The following TPPP variants were observed in gnomAD, a reference collection of about 807,000 sequenced individuals.
TPPP encodes the protein tubulin polymerization-promoting protein.
A neutral mutation model predicts 15.5 loss-of-function variants in TPPP; 6 were observed. The observed-to-expected ratio is 0.39, with a 90% confidence interval of 0.21 to 0.77. The LOEUF (loss-of-function observed/expected upper bound fraction) is 0.77, where lower values mean the gene tolerates loss of function less well. Among genes scored for constraint, TPPP ranks in the 30% least tolerant of loss-of-function variants. The probability of loss-of-function intolerance (pLI) is 0.42; values close to 1 mark genes in which losing one functional copy is unlikely to be tolerated. For missense variants in TPPP, 269 were observed against 307.2 expected, an observed-to-expected ratio of 0.88 and a Z score of 0.93; for synonymous variants, 146 against 133.9, an observed-to-expected ratio of 1.09 and a Z score of -0.63.
At chr5:676,497 G>T (rs1740436948) in intron 2 of TPPP, 1 of 152,308 alleles carries the variant, frequency 6.6e-6, no homozygotes, top group Non-Finnish European at 1.5e-5. Context: ...GGAAGGTGCA[G>T]GAGCTCTGAG....
chr5:681,272 A>T (rs1740613519), intron 1 of TPPP, among the ~76,000 whole-genome samples: 1 of 152,182 alleles, frequency 6.6e-6, no homozygotes, highest in Non-Finnish European at 1.5e-5. Context: ...AGGGAAAAGA[A>T]GGTTGTGTAG....
chr5:664,949 G>A lies in TPPP; in HGVS notation c.*153C>T, dbSNP rs1198074152. The A allele has an allele frequency of 2.4e-6, 2 of 817,100 alleles. No individual in the cohort carries two copies. Among genetic ancestry groups the A allele is most frequent in the African/African-American group, 1.7e-5 (1 of 58,110 alleles). The allele number at this position is 817,100 out of a possible 1,614,324, so 50.6% of individuals were successfully genotyped here. On this transcript the variant is annotated 3_prime_UTR_variant, in exon 4 of 4. Transcript: ENST00000360578. ...CTGGGGGCATCCGGTAGGAGGAGGG[G>A]CAGGAGGGAGGCCTGGGCCTGGCCG...
intron 1 of TPPP, among the ~76,000 whole-genome samples, chr5:685,067 C>T (rs1446310384): frequency 6.6e-6 from 1 of 152,156 alleles, no homozygotes; most frequent in Non-Finnish European, 1.5e-5. Context: ...GGTCACCATC[C>T]TGAGAGGTGC....
At chr5:693,442 CGG>C (rs1470777615), upstream of TPPP, 2 of 147,784 alleles carry the variant, frequency 1.4e-5, no homozygotes, top group Admixed American at 1.4e-4. Flanking sequence ...CCCCAGCGTC[CGG>C]CGCCCGCCCA....
At chr5:683,952 G>T (rs1359748626) in intron 1 of TPPP, among the ~76,000 whole-genome samples, 1 of 152,212 alleles carries the variant, frequency 6.6e-6, no homozygotes, top group South Asian at 2.1e-4. Context: ...TGTCCAGGGG[G>T]AGCACCCTCC....
At position 662,460 on chromosome 5, in the gene TPPP, C is replaced by T. The variant is rs376273637; in HGVS notation, c.*2642G>A. The T allele has an allele frequency of 5.9e-5, 9 of 152,518 alleles. No individual in the cohort carries two copies. The highest frequency in any genetic ancestry group is 2.2e-4 in the African/African-American group (9 of 41,590). 9.4% of individuals were successfully genotyped at this position (152,518 alleles called of 1,614,324 possible). A position where few individuals can be genotyped will look rare whatever the true frequency, so the allele number is the denominator to read the frequency against. On this transcript the variant is annotated 3_prime_UTR_variant, in exon 4 of 4. Transcript: ENST00000360578. ...CTCGTCCCCACAGACCGGATCAGGGCCTGGCGAGCCTCTGTGCCTGCCGTG... is the reference window on the plus strand; with the variant it reads ...CTCGTCCCCACAGACCGGATCAGGGTCTGGCGAGCCTCTGTGCCTGCCGTG...
At chr5:666,274 A>G (rs1739909519) in intron 2 of TPPP, 151 bp from the exon 3 acceptor site, 3 of 826,118 alleles carry the variant, frequency 3.6e-6, no homozygotes, top group Non-Finnish European at 3.7e-6. Flanking sequence ...GCAAATCCAA[A>G]CTGTCTTGGA....
intron 1 of TPPP, among the ~76,000 whole-genome samples, chr5:680,925 GGACACGGGCCACA>G (rs1740603889): frequency 6.6e-6 from 1 of 152,280 alleles, no homozygotes; most frequent in African/African-American, 2.4e-5. Context: ...TGGAGGAGCA[GGACACGGGCCACA>G]GACACGGAGC....
At chr5:682,968 C>T (rs1740668291) in intron 1 of TPPP, among the ~76,000 whole-genome samples, 1 of 152,146 alleles carries the variant, frequency 6.6e-6, no homozygotes, top group African/African-American at 2.4e-5. Context: ...AGAGCCAGCC[C>T]TCGGCCCTGC....
chr5:679,428 C>A (rs370748673), intron 1 of TPPP, among the ~76,000 whole-genome samples: 240 of 107,104 alleles, frequency 2.2e-3, no homozygotes, highest in African/African-American at 8.8e-3. Flanking sequence ...GAAGGGCCGC[C>A]TGGGGGCAGG....
upstream of TPPP, among the ~76,000 whole-genome samples, chr5:698,145 G>A (rs1466401363): frequency 1.3e-5 from 2 of 150,600 alleles, no homozygotes; most frequent in Non-Finnish European, 3.0e-5. Flanking sequence ...AACAAATGAG[G>A]CATAGAAGGA....
intron 2 of TPPP, among the ~76,000 whole-genome samples, chr5:672,545 A>AG (rs950308185): frequency 1.3e-5 from 2 of 152,198 alleles, no homozygotes; most frequent in Non-Finnish European, 2.9e-5. Context: ...ATGGACCCAT[A>AG]GGGGGCCAGT....
chr5:667,615 A>G (rs1418598370), intron 2 of TPPP, among the ~76,000 whole-genome samples: 3 of 152,326 alleles, frequency 2.0e-5, no homozygotes, highest in Non-Finnish European at 4.4e-5. Context: ...CGTTAAGGGA[A>G]TGAGAAGACA....
rs1471066276 is a variant in TPPP at position 682,617 on chromosome 5, C to A, written c.-4-4553G>T. Among the ~76,000 whole-genome samples the A allele has an allele frequency of 2.0e-5, 3 of 149,914 alleles. No homozygotes were observed. The East Asian group carries it at 5.9e-4, about 30-fold the overall frequency. On this transcript the variant is annotated intron_variant, in intron 1 of 3. Transcript: ENST00000360578. ...GGAGCCTGTTACTAGGACCTGGGGT[C>A]TGTCACTAGCGCCAGGGGTCTGCCC...
chr5:685,027 T>A (rs912238714), intron 1 of TPPP, among the ~76,000 whole-genome samples: 3 of 151,942 alleles, frequency 2.0e-5, no homozygotes, highest in African/African-American at 7.3e-5. Context: ...TCCAGAGAGG[T>A]CACAGTCCTG....
At chr5:677,087 C>T (rs1169125177) in intron 2 of TPPP, among the ~76,000 whole-genome samples, 1 of 152,270 alleles carries the variant, frequency 6.6e-6, no homozygotes, top group Non-Finnish European at 1.5e-5. Flanking sequence ...GCACACGACG[C>T]AGAAAAAGCA....
intron 1 of TPPP, among the ~76,000 whole-genome samples, chr5:687,154 C>T (rs1363747092): frequency 9.4e-5 from 13 of 138,420 alleles, no homozygotes; most frequent in African/African-American, 1.3e-4. Context: ...AGGCAGGGAG[C>T]GTCCCACCAA....
intron 1 of TPPP, among the ~76,000 whole-genome samples, chr5:692,035 T>A (rs532442754): frequency 6.1e-5 from 1 of 16,330 alleles, no homozygotes; most frequent in Non-Finnish European, 1.2e-4. Context: ...TCCCAACCCC[T>A]ATCAAAACAG....
At chr5:697,853 C>T (rs555061040), upstream of TPPP, among the ~76,000 whole-genome samples, 1,008 of 145,492 alleles carry the variant, frequency 6.9e-3, 13 homozygotes, top group African/African-American at 0.023. Flanking sequence ...GTATCACCCT[C>T]GGACCAAAAC....
Sources: gnomAD v4.1 joint callset for allele counts (sites outside exome capture counted in the v4.1 genomes callset) on GRCh38, gnomAD v4.1.1 for gene constraint, MANE v1.5 for transcripts, NCBI Gene and HGNC (gene_info 2026-07-23, HGNC 2026-07-21) for gene names.